The following AXDND1 variants were observed in gnomAD, a reference collection of about 807,000 sequenced individuals.
The protein encoded by AXDND1 is axonemal dynein light chain domain-containing protein 1.
A neutral mutation model predicts 137.5 loss-of-function variants in AXDND1; 110 were observed. The observed-to-expected ratio is 0.80, with a 90% CI of 0.69 to 0.94. The LOEUF (loss-of-function observed/expected upper bound fraction) is 0.94, where lower values mean the gene tolerates loss of function less well. Among genes scored for constraint, AXDND1 ranks in the 40% least tolerant of loss-of-function variants. The probability of loss-of-function intolerance (pLI) is 0.00; values close to 1 mark genes in which losing one functional copy is unlikely to be tolerated. For missense variants in AXDND1, 1,191 were observed against 1,169.8 expected (o/e 1.02, Z -0.26); for synonymous variants, 414 against 399.7 (o/e 1.04, Z -0.43).
At chr1:179,411,344 T>C (rs987163872) in intron 12 of AXDND1, 78 bp downstream of exon 12, 1 of 1,540,928 alleles carries the variant, frequency 6.5e-7, no homozygotes, top group Admixed American at 2.0e-5. Flanking sequence ...TTTGTTTTTT[T>C]TGTTTTGTTT....
chr1:179,483,290 A>T, intron 18 of AXDND1, 69 bp downstream of exon 18: 8 of 1,014,322 alleles, frequency 7.9e-6, no homozygotes, highest in Non-Finnish European at 1.2e-5. Flanking sequence ...AGGAAAAATA[A>T]TGCTCTCCCT....
intron 9 of AXDND1, among the ~76,000 whole-genome samples, chr1:179,389,711 C>T (rs1299494635): frequency 6.6e-6 from 1 of 152,136 alleles, no homozygotes; most frequent in Non-Finnish European, 1.5e-5. Flanking sequence ...CTGTTTCTTC[C>T]TGCAAACTCA....
Position 179,382,287 on chromosome 1 carries a change from G to T in AXDND1, c.582-413G>T, listed in dbSNP as rs1648495321. Reference sequence around the variant, plus strand: ...GTAGAGACGGGGCTTCATCATGTTGGCCAGGCTGGTTTCGAACTCCTGACC... The same window carrying T: ...GTAGAGACGGGGCTTCATCATGTTGTCCAGGCTGGTTTCGAACTCCTGACC... On this transcript the variant is annotated intron_variant, in intron 6 of 25. Coordinates refer to ENST00000367618, the MANE Select transcript of AXDND1 (RefSeq NM_144696.6). Among the ~76,000 whole-genome samples, 3 of 151,764 alleles carry T rather than the reference G, an allele frequency of 2.0e-5. No homozygotes were observed. The South Asian group carries it at 6.2e-4, about 32-fold the overall frequency.
intron 20 of AXDND1, among the ~76,000 whole-genome samples, chr1:179,500,335 T>TTTTGTG (rs1471655924): frequency 9.4e-6 from 1 of 106,928 alleles, no homozygotes; most frequent in East Asian, 3.2e-4. Context: ...GCAGGGTACA[T>TTTTGTG]TATGTGTGTG....
rs749671262 is a variant in AXDND1 at position 179,483,109 on chromosome 1, T to C, written c.1998-19T>C. 1 of 1,497,022 alleles carries C rather than the reference T, an allele frequency of 6.7e-7. No homozygotes were observed. The highest frequency in any genetic ancestry group is 1.2e-5 in the South Asian group (1 of 82,472). The allele number at this position is 1,497,022 out of a possible 1,614,324, so 92.7% of individuals were successfully genotyped here. On this transcript the variant is annotated intron_variant, in intron 17 of 25. Transcript: ENST00000367618. ...TTAAATCAGCCAGTCACTTTTATTTTACTTGATTTTTCCTTCAGGGTACTC... is the reference window on the plus strand; with the variant it reads ...TTAAATCAGCCAGTCACTTTTATTTCACTTGATTTTTCCTTCAGGGTACTC...
Position 179,483,166 on chromosome 1 carries a change from G to C in AXDND1, c.2036G>C (p.Trp679Ser), listed in dbSNP as rs560008586. The change falls in exon 18 of 26, where the codon TGG (tryptophan) becomes TCG (serine). Residue 679 changes from tryptophan (W) to serine (S), a missense_variant. Transcript: ENST00000367618. ...QAYIFNMIQQ[W>S]LLKIGNEINN... ...TATATATTTAACATGATTCAACAAT[G>C]GCTTTTGAAGATAGGCAATGAAATT... 6.2e-7 allele frequency: 1 copy of C among 1,609,636 alleles called. No homozygotes were observed. The highest frequency in any genetic ancestry group is 1.7e-4 in the Middle Eastern group (1 of 6,052).
At chr1:179,548,636 A>G (rs1672863643) in intron 25 of AXDND1, 1 of 152,238 alleles carries the variant, frequency 6.6e-6, no homozygotes, top group Admixed American at 6.5e-5. Context: ...CTGCCAAAGA[A>G]CATTGTAGTG....
chr1:179,549,932 C>T (rs1236232058), intron 25 of AXDND1, among the ~76,000 whole-genome samples: 1 of 152,052 alleles, frequency 6.6e-6, no homozygotes, highest in Non-Finnish European at 1.5e-5. Flanking sequence ...CCTAGGAGTT[C>T]CCCAACCCAT....
At chr1:179,420,407 T>C (rs1164345899) in intron 12 of AXDND1, among the ~76,000 whole-genome samples, 1 of 152,160 alleles carries the variant, frequency 6.6e-6, no homozygotes, top group Non-Finnish European at 1.5e-5. Context: ...AGTTTTCTTT[T>C]TTTTGTTGTG....
chr1:179,391,772 A>G (rs1650246333), intron 9 of AXDND1, among the ~76,000 whole-genome samples: 1 of 152,092 alleles, frequency 6.6e-6, no homozygotes, highest in African/African-American at 2.4e-5. Flanking sequence ...TCCTGACCTC[A>G]GGTGATTCAC....
chr1:179,546,580 T>C (rs750328976), intron 25 of AXDND1, among the ~76,000 whole-genome samples: 39 of 152,150 alleles, frequency 2.6e-4, no homozygotes, highest in Non-Finnish European at 5.0e-4. Flanking sequence ...TGTACTTAGA[T>C]GTCCAGACCG....
At chr1:179,469,676 A>T (rs76227940) in intron 17 of AXDND1, among the ~76,000 whole-genome samples, 4,521 of 152,262 alleles carry the variant, frequency 0.03, 251 homozygotes, top group African/African-American at 0.1. Flanking sequence ...ATTTCTCCAC[A>T]TACTTGCCAA....
chr1:179,543,109 C>T (rs1278789992), intron 25 of AXDND1: 4 of 152,068 alleles, frequency 2.6e-5, no homozygotes, highest in Non-Finnish European at 5.9e-5. Context: ...CACTTTTTTC[C>T]TGAGGGTTGT....
chr1:179,529,344 G>A (rs1558308002), intron 23 of AXDND1, among the ~76,000 whole-genome samples: 1 of 152,244 alleles, frequency 6.6e-6, no homozygotes, highest in Non-Finnish European at 1.5e-5. Context: ...TATTAGGGGT[G>A]TGGGAGCCAT....
rs1647831772 is a variant in AXDND1 at position 179,379,434 on chromosome 1, T to C, written c.533T>C (p.Phe178Ser). Residue 178 changes from phenylalanine (F) to serine (S), a missense_variant, in exon 6 of 26, where the codon TTT (phenylalanine) becomes TCT (serine). Transcript: ENST00000367618. ...ACAGATACTTTGATTCCTGAAGAAT[T>C]TCATATTGTGTCAAGTACAGGAGTT... ...TLTDTLIPEE[F>S]HIVSSTGVSG... 7.4e-6 allele frequency: 12 copies of C among 1,613,720 alleles called. No individual in the cohort carries two copies. The highest frequency in any genetic ancestry group is 1.0e-5 in the Non-Finnish European group (12 of 1,179,826).
chr1:179,429,492 C>A, intron 12 of AXDND1, 26 bp from the exon 13 acceptor site: 2 of 1,242,732 alleles, frequency 1.6e-6, no homozygotes, highest in Non-Finnish European at 2.2e-6. Flanking sequence ...TTTTAGGTTC[C>A]TGATTATAGT....
In AXDND1 at chr1:179,496,538, T is replaced by C. The variant is rs188214077; in HGVS notation, c.2388+3587T>C. 3.3e-5 allele frequency among the ~76,000 whole-genome samples: 5 copies of C among 152,132 alleles called. No individual in the cohort carries two copies. The East Asian group carries it at 9.6e-4, about 29-fold the overall frequency. ...TCCCTTATTATTCTTTTAATAATTG[T>C]AGGATGTCCACTGTCTCATTCTGTT... On this transcript the variant is annotated intron_variant, in intron 20 of 25. Coordinates refer to ENST00000367618, the MANE Select transcript of AXDND1 (RefSeq NM_144696.6).
intron 16 of AXDND1, among the ~76,000 whole-genome samples, chr1:179,466,052 C>T (rs1282100257): frequency 6.6e-6 from 1 of 152,192 alleles, no homozygotes; most frequent in African/African-American, 2.4e-5. Context: ...AGGGAAGTCC[C>T]TGACCCCTTG....
chr1:179,554,659 G>A lies in AXDND1; in HGVS notation c.*140G>A, dbSNP rs557151824. 3.1e-6 allele frequency: 4 copies of A among 1,309,772 alleles called. No individual in the cohort carries two copies. The African/African-American group carries it at 4.4e-5, about 14-fold the overall frequency. The allele number at this position is 1,309,772 out of a possible 1,614,324, so 81.1% of individuals were successfully genotyped here. The stretch of plus-strand genomic sequence containing the variant: ...TTTGAAAGGACATTATTTGCCTGTT[G>A]TATTTAACTTCACAGTGCCTTGCAA... On this transcript the variant is annotated 3_prime_UTR_variant, in exon 26 of 26. Coordinates refer to ENST00000367618, the MANE Select transcript of AXDND1 (RefSeq NM_144696.6).
Sources: allele counts gnomAD v4.1 joint callset (sites outside exome capture counted in the v4.1 genomes callset), GRCh38; gene constraint gnomAD v4.1.1; transcripts MANE v1.5; gene names NCBI Gene and HGNC (gene_info 2026-07-23, HGNC 2026-07-21).